Variants in SEMA5A observed in about 807,000 individuals in gnomAD.
The protein encoded by SEMA5A is semaphorin-5A.
SEMA5A carries 55 observed loss-of-function variants against 135.5 expected under a neutral mutation model. The observed-to-expected ratio is 0.41, with a 90% CI of 0.33 to 0.51. The LOEUF (loss-of-function observed/expected upper bound fraction) is 0.51, where lower values mean the gene tolerates loss of function less well. SEMA5A is among the 20% of genes least tolerant of loss of function. SEMA5A has a pLI of 0.37. For synonymous variants in SEMA5A, 580 were observed against 546.5 expected (o/e 1.06, Z -0.85); for missense variants, 1,290 against 1,419.9 (o/e 0.91, Z 1.47).
At chr5:9,269,959 G>C (rs558040582) in intron 5 of SEMA5A, among the ~76,000 whole-genome samples, 2 of 152,162 alleles carry the variant, frequency 1.3e-5, no homozygotes, top group Admixed American at 6.5e-5. Context: ...TGCAAAATTG[G>C]CCCCTTAGCT....
intron 2 of SEMA5A, among the ~76,000 whole-genome samples, chr5:9,436,445 G>C (rs1758034840): frequency 6.6e-6 from 1 of 151,740 alleles, no homozygotes; most frequent in South Asian, 2.1e-4. Flanking sequence ...GACGACACAG[G>C]AGAACCTCTC....
intron 16 of SEMA5A, among the ~76,000 whole-genome samples, chr5:9,075,517 C>A (rs997838946): frequency 6.9e-6 from 1 of 145,520 alleles, no homozygotes; most frequent in Admixed American, 6.9e-5. Flanking sequence ...TACAAAACAA[C>A]AAAGCATCTG....
chr5:9,285,010 T>C (rs1297851824), intron 5 of SEMA5A, among the ~76,000 whole-genome samples: 1 of 152,032 alleles, frequency 6.6e-6, no homozygotes, highest in Non-Finnish European at 1.5e-5. Flanking sequence ...AATTCTCACA[T>C]CCTCCTATTC....
At chr5:9,319,668 T>C (rs1393189652) in intron 4 of SEMA5A, among the ~76,000 whole-genome samples, 1 of 151,990 alleles carries the variant, frequency 6.6e-6, no homozygotes, top group East Asian at 1.9e-4. Flanking sequence ...GTCAAGAACA[T>C]GCTGGCACAT....
intron 11 of SEMA5A, among the ~76,000 whole-genome samples, chr5:9,185,326 C>G (rs1744748458): frequency 6.6e-6 from 1 of 152,204 alleles, no homozygotes; most frequent in African/African-American, 2.4e-5. Flanking sequence ...ATGGCACAAT[C>G]TCACATGAGT....
intron 6 of SEMA5A, 171 bp downstream of exon 6, chr5:9,237,657 T>C (rs1404666683): frequency 2.2e-6 from 1 of 447,258 alleles, no homozygotes; most frequent in African/African-American, 2.0e-5. Context: ...CTGGGGTTAA[T>C]TTTAATTTAG....
chr5:9,420,113 G>A (rs890463404), intron 2 of SEMA5A, among the ~76,000 whole-genome samples: 14 of 151,884 alleles, frequency 9.2e-5, no homozygotes, highest in East Asian at 3.9e-4. Context: ...ATGATGGAGC[G>A]CTCCATCATG....
intron 3 of SEMA5A, among the ~76,000 whole-genome samples, chr5:9,352,771 C>A (rs890391353): frequency 6.6e-6 from 1 of 152,146 alleles, no homozygotes; most frequent in Non-Finnish European, 1.5e-5. Context: ...TATCCCATCA[C>A]CTGTTTTTGT....
chr5:9,228,757 A>G (rs1043163511), intron 6 of SEMA5A, among the ~76,000 whole-genome samples: 1 of 152,240 alleles, frequency 6.6e-6, no homozygotes, highest in Non-Finnish European at 1.5e-5. Flanking sequence ...CGAATGAATG[A>G]CGCACGAGGC....
chr5:9,095,750 C>T (rs2150131999), intron 16 of SEMA5A, among the ~76,000 whole-genome samples: 1 of 152,270 alleles, frequency 6.6e-6, no homozygotes, highest in Non-Finnish European at 1.5e-5. Flanking sequence ...CAAATTAAAA[C>T]ATATTGTTGA....
chr5:9,379,414 G>C (rs1188839253), intron 3 of SEMA5A, among the ~76,000 whole-genome samples: 1 of 152,174 alleles, frequency 6.6e-6, no homozygotes, highest in Non-Finnish European at 1.5e-5. Flanking sequence ...ATGCTAGATA[G>C]AAACAAAGGG....
At chr5:9,122,868 A>G (rs1560937946) in intron 13 of SEMA5A, 31 bp from the exon 14 acceptor site, 2 of 1,558,604 alleles carry the variant, frequency 1.3e-6, no homozygotes, top group South Asian at 1.2e-5. Flanking sequence ...GAGGTGTCAG[A>G]AAAGGTTAAA....
chr5:9,063,017 G>C lies in SEMA5A; in HGVS notation c.2388C>G (p.Cys796Trp), dbSNP rs752423033. Reference sequence around the variant, plus strand: ...GAATGCCCCTGCTGCAGTCACGGCTGCACTGTGACCACGACGTCCAGGCTG... The same window carrying C: ...GAATGCCCCTGCTGCAGTCACGGCTCCACTGTGACCACGACGTCCAGGCTG... ...AWSAWTSWSQ[C>W]SRDCSRGIRN... The change falls in exon 18 of 23, where the codon TGC becomes TGG. Residue 796 changes from cysteine (C) to tryptophan (W), a missense_variant. Around this residue, in one of 3 missense-constraint regions of SEMA5A, gnomAD observed 1,029 missense variants for 1,086.6 expected, o/e 0.95. Transcript: ENST00000382496. The C allele has an allele frequency of 6.2e-7, 1 of 1,614,214 alleles. No individual in the cohort carries two copies. Among genetic ancestry groups the C allele is most frequent in the South Asian group, 1.1e-5 (1 of 91,088 alleles).
chr5:9,293,634 A>G (rs913522428), intron 5 of SEMA5A, among the ~76,000 whole-genome samples: 3 of 152,108 alleles, frequency 2.0e-5, no homozygotes, highest in African/African-American at 4.8e-5. Flanking sequence ...TGCCTGTTGC[A>G]CTTGTGTTAT....
At chr5:9,530,094 G>T (rs1311102969) in intron 1 of SEMA5A, among the ~76,000 whole-genome samples, 1 of 152,218 alleles carries the variant, frequency 6.6e-6, no homozygotes, top group Non-Finnish European at 1.5e-5. Context: ...GCGTTAGGAT[G>T]GACATTTGTG....
chr5:9,148,833 C>T (rs1742479375), intron 12 of SEMA5A, among the ~76,000 whole-genome samples: 1 of 152,154 alleles, frequency 6.6e-6, no homozygotes, highest in African/African-American at 2.4e-5. Context: ...GATTCTCTTG[C>T]CTCAGCCTTC....
At chr5:9,361,314 AT>A (rs1238631087) in intron 3 of SEMA5A, among the ~76,000 whole-genome samples, 1 of 115,094 alleles carries the variant, frequency 8.7e-6, no homozygotes, top group African/African-American at 4.4e-5. Context: ...AAAAAAAAAA[AT>A]TGCAAACAAC....
At chr5:9,197,740 G>GTGTT (rs1554001562) in intron 9 of SEMA5A, among the ~76,000 whole-genome samples, 1,194 of 96,786 alleles carry the variant, frequency 0.012, 34 homozygotes, top group African/African-American at 0.028. Context: ...GTGTGTGTGT[G>GTGTT]TGTGTGTGTG....
At chr5:9,294,587 C>G (rs867780040) in intron 5 of SEMA5A, among the ~76,000 whole-genome samples, 1 of 152,160 alleles carries the variant, frequency 6.6e-6, no homozygotes, top group Non-Finnish European at 1.5e-5. Flanking sequence ...CGAAAACTCT[C>G]CCTAGATTTA....
Sources: gnomAD v4.1 joint callset for allele counts (sites outside exome capture counted in the v4.1 genomes callset) on GRCh38, gnomAD v4.1.1 for gene constraint, gnomAD v4.1.1 regional missense constraint, MANE v1.5 for transcripts, NCBI Gene and HGNC (gene_info 2026-07-23, HGNC 2026-07-21) for gene names.